OPCML: variants seen among roughly 807,000 people sequenced by gnomAD.
OPCML encodes opioid binding protein/cell adhesion molecule like.
A neutral mutation model predicts 37.8 loss-of-function variants in OPCML; 13 were observed. The observed-to-expected ratio is 0.34, with a 90% CI of 0.22 to 0.55. The LOEUF (loss-of-function observed/expected upper bound fraction) is 0.55. Ranked by LOEUF, OPCML falls within the 20% of genes least tolerant of loss-of-function variation. OPCML has a pLI of 0.91. For missense variants in OPCML, 341 were observed against 435.6 expected, an observed-to-expected ratio of 0.78 and a Z score of 1.93; for synonymous variants, 176 against 168.8, an observed-to-expected ratio of 1.04 and a Z score of -0.33.
chr11:132,639,451 G>A (rs889366305), intron 3 of OPCML, among the ~76,000 whole-genome samples: 2 of 152,084 alleles, frequency 1.3e-5, no homozygotes, highest in African/African-American at 4.8e-5. Context: ...CCAACCCCTG[G>A]GTCCATCACT....
intron 2 of OPCML, among the ~76,000 whole-genome samples, chr11:132,767,535 G>C (rs1319709064): frequency 6.6e-6 from 1 of 152,166 alleles, no homozygotes; most frequent in African/African-American, 2.4e-5. Flanking sequence ...TGGCAGTCAT[G>C]GGGACTGACT....
chr11:133,152,181 G>T (rs144428238), intron 1 of OPCML, among the ~76,000 whole-genome samples: 2 of 152,210 alleles, frequency 1.3e-5, no homozygotes, highest in Non-Finnish European at 2.9e-5. Context: ...AAAGAGGAAT[G>T]ATTTAAAAAG....
intron 1 of OPCML, chr11:133,009,277 T>C (rs1947170590): frequency 1.0e-5 from 10 of 969,724 alleles, no homozygotes; most frequent in Non-Finnish European, 1.2e-5. Context: ...TAAAATGCAA[T>C]GGTACATATT....
chr11:132,696,789 A>G (rs372303314), intron 2 of OPCML, among the ~76,000 whole-genome samples: 23 of 152,220 alleles, frequency 1.5e-4, no homozygotes, highest in African/African-American at 4.8e-4. Flanking sequence ...AAAAAGTCCA[A>G]CGCTGACCCA....
At chr11:132,502,420 C>G (rs2096247535) in intron 4 of OPCML, among the ~76,000 whole-genome samples, 1 of 152,188 alleles carries the variant, frequency 6.6e-6, no homozygotes, top group Non-Finnish European at 1.5e-5. Flanking sequence ...TCTCCCATCA[C>G]AGTTCCTTCT....
intron 4 of OPCML, among the ~76,000 whole-genome samples, chr11:132,458,452 C>A (rs1181531197): frequency 6.6e-6 from 1 of 152,100 alleles, no homozygotes; most frequent in Non-Finnish European, 1.5e-5. Flanking sequence ...TGCATGATTG[C>A]TGTGAGGTTT....
At chr11:132,428,631 G>T (rs894475895) in intron 7 of OPCML, among the ~76,000 whole-genome samples, 8 of 152,140 alleles carry the variant, frequency 5.3e-5, no homozygotes, top group Non-Finnish European at 8.8e-5. Flanking sequence ...CACAGTATAT[G>T]GGTTTGAAAG....
intron 2 of OPCML, among the ~76,000 whole-genome samples, chr11:132,764,815 C>T (rs1946381094): frequency 6.6e-6 from 1 of 152,202 alleles, no homozygotes; most frequent in Non-Finnish European, 1.5e-5. Context: ...TCCTCAGGCT[C>T]CATGTAAGGA....
chr11:132,671,131 A>G lies in OPCML; in HGVS notation c.147-13812T>C, dbSNP rs140630880. On this transcript the variant is annotated intron_variant, in intron 2 of 7. Coordinates refer to ENST00000524381, the MANE Select transcript of OPCML (RefSeq NM_001012393.5). The stretch of plus-strand genomic sequence containing the variant: ...TAAAAATAAAACTCTCATGAAACAG[A>G]CAGATGGGCAGGGACAGATGGCGGA... Among the ~76,000 whole-genome samples, 7 of 152,260 alleles carry G rather than the reference A, an allele frequency of 4.6e-5. No homozygotes were observed. The East Asian group carries it at 1.4e-3, about 29-fold the overall frequency.
In OPCML at chr11:132,685,194, A is replaced by G. The variant is rs371155566; in HGVS notation, c.147-27875T>C. 2.2e-4 allele frequency among the ~76,000 whole-genome samples: 34 copies of G among 152,330 alleles called. No individual in the cohort carries two copies. In the East Asian group the frequency reaches 5.6e-3, roughly 25 times the overall value. On this transcript the variant is annotated intron_variant, in intron 2 of 7. Transcript: ENST00000524381. ...ATCTCCATGCCAATAGTCTATTGCAATAGACAAGCACTGGATTTTCCCTTT... is the reference window on the plus strand; with the variant it reads ...ATCTCCATGCCAATAGTCTATTGCAGTAGACAAGCACTGGATTTTCCCTTT...
At position 132,515,773 on chromosome 11, in the gene OPCML, C is replaced by G. The variant is rs982108748; in HGVS notation, c.505+13288G>C. Reference sequence around the variant, plus strand: ...GGAGGAATGATCTTCTTCACACTACCATCATTTCTAGAGTCATTCTTCAAC... The same window carrying G: ...GGAGGAATGATCTTCTTCACACTACGATCATTTCTAGAGTCATTCTTCAAC... On this transcript the variant is annotated intron_variant, in intron 4 of 7. Transcript: ENST00000524381. Among the ~76,000 whole-genome samples the G allele has an allele frequency of 3.3e-5, 5 of 152,236 alleles. No individual in the cohort carries two copies. The South Asian group carries it at 8.3e-4, about 25-fold the overall frequency.
intron 2 of OPCML, among the ~76,000 whole-genome samples, chr11:132,871,552 T>A (rs141608624): frequency 1.2e-4 from 19 of 152,310 alleles, no homozygotes; most frequent in African/African-American, 4.3e-4. Flanking sequence ...TGGGTATAGG[T>A]GGAAGGTCCT....
chr11:133,242,789 T>C (rs1002272860), intron 1 of OPCML, among the ~76,000 whole-genome samples: 1 of 152,188 alleles, frequency 6.6e-6, no homozygotes, highest in Non-Finnish European at 1.5e-5. Context: ...GCATAACTGC[T>C]CTGTGCCTGA....
chr11:132,607,292 C>T (rs1938362445), intron 3 of OPCML, among the ~76,000 whole-genome samples: 1 of 152,176 alleles, frequency 6.6e-6, no homozygotes, highest in Non-Finnish European at 1.5e-5. Flanking sequence ...TTTGGAGCCC[C>T]CAGCCTTTTG....
chr11:132,626,489 T>C (rs1015241507), intron 3 of OPCML, among the ~76,000 whole-genome samples: 3 of 152,132 alleles, frequency 2.0e-5, no homozygotes, highest in Non-Finnish European at 4.4e-5. Flanking sequence ...TATGACTAGA[T>C]TTTGATGTTA....
intron 3 of OPCML, among the ~76,000 whole-genome samples, chr11:132,626,937 T>G (rs1156702183): frequency 6.6e-6 from 1 of 151,224 alleles, no homozygotes. Flanking sequence ...TATATATAGC[T>G]TTAAAAAATC....
chr11:133,110,661 T>C (rs1949235907), intron 1 of OPCML, among the ~76,000 whole-genome samples: 1 of 152,140 alleles, frequency 6.6e-6, no homozygotes, highest in Non-Finnish European at 1.5e-5. Flanking sequence ...GTGTGTTTCA[T>C]TCGTTCAGTG....
At position 133,138,745 on chromosome 11, in the gene OPCML, G is replaced by A. The variant is rs572661730; in HGVS notation, c.62-195735C>T. On this transcript the variant is annotated intron_variant, in intron 1 of 7. Transcript: ENST00000524381. ...TAGATTTTACTGGTTCCAAAGCTGC[G>A]TCTTAGAGCGAACCCTCTCTAAGAC... 4.6e-5 allele frequency among the ~76,000 whole-genome samples: 7 copies of A among 152,116 alleles called. No homozygotes were observed. In the South Asian group the frequency reaches 1.0e-3, roughly 23 times the overall value.
chr11:133,423,075 C>A, intron 1 of OPCML: 1 of 985,438 alleles, frequency 1.0e-6, no homozygotes, highest in Non-Finnish European at 1.2e-6. Flanking sequence ...AACTTATGCT[C>A]TCGAACGTGT....
Sources: allele counts gnomAD v4.1 joint callset (sites outside exome capture counted in the v4.1 genomes callset), GRCh38; gene constraint gnomAD v4.1.1; transcripts MANE v1.5; gene names NCBI Gene and HGNC (gene_info 2026-07-23, HGNC 2026-07-21).